CSMD1: variants seen among roughly 807,000 people sequenced by gnomAD.
The protein encoded by CSMD1 is CUB and sushi domain-containing protein 1.
A neutral mutation model predicts 417.5 loss-of-function variants in CSMD1; 213 were observed. The observed-to-expected ratio is 0.51, with a 90% confidence interval of 0.46 to 0.57. The LOEUF (loss-of-function observed/expected upper bound fraction) is 0.57. Among genes scored for constraint, CSMD1 ranks in the 20% least tolerant of loss-of-function variants. The pLI is 0.00. For missense variants in CSMD1, 6,923 were observed against 4,529.7 expected, an observed-to-expected ratio of 1.53 and a Z score of -15.17; for synonymous variants, 2,862 against 1,736.8, an observed-to-expected ratio of 1.65 and a Z score of -16.11.
At chr8:2,987,894 GTTCAT>G (rs550286461) in intron 54 of CSMD1, among the ~76,000 whole-genome samples, 37 of 152,208 alleles carry the variant, frequency 2.4e-4, no homozygotes, top group African/African-American at 8.4e-4. Context: ...ACTGCAATTG[GTTCAT>G]TTAAGTTCTG....
In CSMD1 at chr8:3,018,635, C is replaced by A. The variant is rs151057129; in HGVS notation, c.7871G>T (p.Ser2624Ile). 1 of 1,612,480 alleles carries A rather than the reference C, an allele frequency of 6.2e-7. No homozygotes were observed. Among genetic ancestry groups the A allele is most frequent in the South Asian group, 1.1e-5 (1 of 90,938 alleles). ...GTTGCCATTTGGGGGAAAGGAAAGG[C>A]TTCCACACGAGATAACTAGAAGGAA... is the stretch of plus-strand genomic sequence containing the variant. ...RPSCRVISCG[S>I]LSFPPNGNKI... Residue 2624 changes from serine to isoleucine, a missense_variant, in exon 52 of 70, where the codon AGC becomes ATC. Coordinates refer to ENST00000635120, the MANE Select transcript of CSMD1 (RefSeq NM_033225.6).
intron 68 of CSMD1, among the ~76,000 whole-genome samples, chr8:2,948,165 T>C (rs1397419646): frequency 1.3e-5 from 2 of 152,152 alleles, no homozygotes; most frequent in Non-Finnish European, 2.9e-5. Flanking sequence ...GTTACAAAAA[T>C]GCGTTTCCTT....
At chr8:4,237,393 G>C (rs986430160) in intron 3 of CSMD1, among the ~76,000 whole-genome samples, 1 of 151,978 alleles carries the variant, frequency 6.6e-6, no homozygotes, top group African/African-American at 2.4e-5. Flanking sequence ...ATAAAATGAG[G>C]TATTGATACA....
At chr8:3,847,844 A>T (rs1398251387) in intron 5 of CSMD1, among the ~76,000 whole-genome samples, 1 of 152,174 alleles carries the variant, frequency 6.6e-6, no homozygotes, top group Non-Finnish European at 1.5e-5. Context: ...ATTTAGATGT[A>T]TTTGCTCCCA....
intron 3 of CSMD1, among the ~76,000 whole-genome samples, chr8:4,386,385 T>G (rs1803456207): frequency 2.0e-5 from 3 of 151,904 alleles, no homozygotes; most frequent in South Asian, 4.2e-4. Context: ...GACATTCTCC[T>G]AAGTTCCATC....
At position 3,842,769 on chromosome 8, in the gene CSMD1, T is replaced by C. The variant is rs574181745; in HGVS notation, c.819-88727A>G. 1.4e-4 allele frequency among the ~76,000 whole-genome samples: 22 copies of C among 152,316 alleles called. No individual in the cohort carries two copies. The South Asian group carries it at 4.6e-3, about 32-fold the overall frequency. On this transcript the variant is annotated intron_variant, in intron 5 of 69. Coordinates refer to ENST00000635120, the MANE Select transcript of CSMD1 (RefSeq NM_033225.6). ...CAGAAAAAAAAAGAAGAGTTAATAT[T>C]TGATTTCAAAACTGTCTTTTAAAAA...
rs151266997 is a variant in CSMD1, at chr8:3,678,644, C to T, written c.1009+29770G>A. On this transcript the variant is annotated intron_variant, in intron 7 of 69. Coordinates refer to ENST00000635120, the MANE Select transcript of CSMD1 (RefSeq NM_033225.6). ...CATTATCAAGGAAAACTTCCCCAAC[C>T]TAGCAAGGCAGGCCAACATGCAAAT... 1.5e-3 allele frequency among the ~76,000 whole-genome samples: 223 copies of T among 152,264 alleles called. No homozygotes were observed. The East Asian group carries it at 0.015, about 10-fold the overall frequency.
intron 2 of CSMD1, among the ~76,000 whole-genome samples, chr8:4,558,765 G>C (rs932864920): frequency 6.6e-6 from 1 of 152,138 alleles, no homozygotes; most frequent in Non-Finnish European, 1.5e-5. Flanking sequence ...CTACTCCGGA[G>C]GCTGAGGCAG....
chr8:4,755,527 T>C (rs1291464221), intron 1 of CSMD1, among the ~76,000 whole-genome samples: 2 of 152,182 alleles, frequency 1.3e-5, no homozygotes, highest in Non-Finnish European at 2.9e-5. Flanking sequence ...CTTTCAACTC[T>C]GTCTTATACA....
At chr8:3,588,714 CA>C (rs1022847820) in intron 8 of CSMD1, among the ~76,000 whole-genome samples, 7 of 151,436 alleles carry the variant, frequency 4.6e-5, no homozygotes, top group African/African-American at 1.5e-4. Context: ...ACAACACAGG[CA>C]AAAACAGACA....
intron 5 of CSMD1, among the ~76,000 whole-genome samples, chr8:3,953,872 G>A (rs548907728): frequency 1.3e-5 from 2 of 152,308 alleles, no homozygotes; most frequent in African/African-American, 2.4e-5. Flanking sequence ...TCTCCTGTGT[G>A]AGGTGCTGTG....
chr8:4,761,757 G>C (rs1043500621), intron 1 of CSMD1, among the ~76,000 whole-genome samples: 1 of 152,008 alleles, frequency 6.6e-6, no homozygotes, highest in Non-Finnish European at 1.5e-5. Flanking sequence ...TAACTACTGA[G>C]CATGTAACTT....
chr8:4,935,351 T>C (rs1361942103), intron 1 of CSMD1, among the ~76,000 whole-genome samples: 1 of 152,176 alleles, frequency 6.6e-6, no homozygotes, highest in Non-Finnish European at 1.5e-5. Context: ...GGTGGAGACA[T>C]CGCCCTGTGT....
intron 1 of CSMD1, among the ~76,000 whole-genome samples, chr8:4,873,122 A>T (rs1392515574): frequency 6.6e-6 from 1 of 152,134 alleles, no homozygotes; most frequent in Non-Finnish European, 1.5e-5. Context: ...GGTATATAAC[A>T]TGTCATCTGA....
chr8:4,869,642 C>G (rs530977673), intron 1 of CSMD1, among the ~76,000 whole-genome samples: 96 of 152,064 alleles, frequency 6.3e-4, no homozygotes, highest in African/African-American at 2.2e-3. Context: ...CTTATATTCT[C>G]TGCTAATACA....
chr8:3,376,752 T>A (rs1306080303), intron 18 of CSMD1, among the ~76,000 whole-genome samples: 2 of 151,826 alleles, frequency 1.3e-5, no homozygotes, highest in African/African-American at 2.4e-5. Context: ...GCACAGACAC[T>A]GAGTTTATCG....
At chr8:4,931,640 CT>C (rs1807258191) in intron 1 of CSMD1, among the ~76,000 whole-genome samples, 1 of 152,112 alleles carries the variant, frequency 6.6e-6, no homozygotes, top group South Asian at 2.1e-4. Context: ...CATCTACCTC[CT>C]TTGGAAAAAG....
intron 2 of CSMD1, among the ~76,000 whole-genome samples, chr8:4,470,793 G>C (rs1180720075): frequency 6.6e-6 from 1 of 152,184 alleles, no homozygotes; most frequent in Non-Finnish European, 1.5e-5. Flanking sequence ...TTTAAGGATT[G>C]TCTAACACAT....
intron 2 of CSMD1, among the ~76,000 whole-genome samples, chr8:4,550,538 T>G (rs1317226082): frequency 6.6e-6 from 1 of 152,160 alleles, no homozygotes; most frequent in Non-Finnish European, 1.5e-5. Flanking sequence ...CTCCTATTTT[T>G]GCAGGATAAA....
Sources: gnomAD v4.1 joint callset for allele counts (sites outside exome capture counted in the v4.1 genomes callset) on GRCh38, gnomAD v4.1.1 for gene constraint, MANE v1.5 for transcripts, NCBI Gene and HGNC (gene_info 2026-07-23, HGNC 2026-07-21) for gene names.